The following SEPTIN9 variants were observed in gnomAD, a reference collection of about 807,000 sequenced individuals.
SEPTIN9 encodes septin 9, also known as septin-9.
SEPTIN9 carries 13 observed loss-of-function variants against 56.6 expected under a neutral mutation model. The observed-to-expected ratio is 0.23, with a 90% CI of 0.15 to 0.37. The LOEUF (loss-of-function observed/expected upper bound fraction) is 0.37, where lower values mean the gene tolerates loss of function less well. Ranked by LOEUF, SEPTIN9 falls within the 10% of genes least tolerant of loss-of-function variation. The pLI is 1.00. For missense variants in SEPTIN9, 650 were observed against 823.1 expected, an observed-to-expected ratio of 0.79 and a Z score of 2.57; for synonymous variants, 332 against 334.1, an observed-to-expected ratio of 0.99 and a Z score of 0.07.
intron 3 of SEPTIN9, among the ~76,000 whole-genome samples, chr17:77,441,553 A>G (rs1297378443): frequency 6.6e-6 from 1 of 152,262 alleles, no homozygotes; most frequent in Non-Finnish European, 1.5e-5. Flanking sequence ...TCAAGCACCC[A>G]TACAGCAGGT....
chr17:77,420,657 C>T (rs961775289), intron 3 of SEPTIN9, among the ~76,000 whole-genome samples: 19 of 152,132 alleles, frequency 1.2e-4, no homozygotes, highest in African/African-American at 4.1e-4. Flanking sequence ...TGCCCCTGCT[C>T]CTCTGTCCCC....
chr17:77,444,788 C>G, intron 3 of SEPTIN9: 1 of 250,542 alleles, frequency 4.0e-6, no homozygotes, highest in Non-Finnish European at 8.1e-6. Context: ...AATAGTGAGA[C>G]GGGCGGACAC....
At chr17:77,396,231 G>A (rs1054425029) in intron 2 of SEPTIN9, among the ~76,000 whole-genome samples, 25 of 152,136 alleles carry the variant, frequency 1.6e-4, no homozygotes, top group Non-Finnish European at 3.1e-4. Context: ...CACTGTGCAC[G>A]GTCCACAGTT....
chr17:77,488,578 G>A, intron 6 of SEPTIN9, 149 bp from the exon 7 acceptor site: 3 of 1,152,230 alleles, frequency 2.6e-6, no homozygotes, highest in South Asian at 1.4e-5. Context: ...CGAGGGTAAG[G>A]CTGTGGCATC....
intron 1 of SEPTIN9, among the ~76,000 whole-genome samples, chr17:77,284,604 T>C (rs1011319695): frequency 6.6e-6 from 1 of 152,118 alleles, no homozygotes; most frequent in Non-Finnish European, 1.5e-5. Context: ...ATTTGTTTTT[T>C]TGTGTGTGTG....
chr17:77,361,928 G>A (rs1306977562), intron 2 of SEPTIN9, among the ~76,000 whole-genome samples: 2 of 152,204 alleles, frequency 1.3e-5, no homozygotes, highest in East Asian at 1.9e-4. Flanking sequence ...CACCGCGCCC[G>A]GCCAAGTGGT....
chr17:77,373,727 G>A (rs1290391922), intron 2 of SEPTIN9: 2 of 1,282,482 alleles, frequency 1.6e-6, no homozygotes, highest in East Asian at 6.2e-5. Flanking sequence ...CCCCGTGCCC[G>A]CGCCGCCTAC....
At chr17:77,441,454 G>T (rs778765576) in intron 3 of SEPTIN9, among the ~76,000 whole-genome samples, 8 of 152,222 alleles carry the variant, frequency 5.3e-5, no homozygotes, top group Non-Finnish European at 1.2e-4. Context: ...GACACTTCGT[G>T]TGGTTTTCAA....
intron 2 of SEPTIN9, among the ~76,000 whole-genome samples, chr17:77,360,614 G>T (rs944530051): frequency 5.3e-5 from 8 of 151,914 alleles, no homozygotes; most frequent in Non-Finnish European, 1.0e-4. Flanking sequence ...GCCCAGGCTG[G>T]CGTGGAGTGA....
rs1374341355 is a variant in SEPTIN9 at position 77,435,864 on chromosome 17, C to A, written c.721+33161C>A. ...GGATCTGGAGGCCTTTGCTCCTGAG[C>A]CCTGCCTCTGTGTAATCCCTAAAGC... is the stretch of plus-strand genomic sequence containing the variant. On this transcript the variant is annotated intron_variant, in intron 3 of 11. Transcript: ENST00000427177. The surrounding 1 kb of genome is among the most constrained non-coding windows in gnomAD (Gnocchi z 4.5). Among the ~76,000 whole-genome samples, 1 of 152,222 alleles carries A rather than the reference C, an allele frequency of 6.6e-6. No homozygotes were observed. Among genetic ancestry groups the A allele is most frequent in the African/African-American group, 2.4e-5 (1 of 41,462 alleles).
At chr17:77,467,930 G>T (rs1373080140) in intron 3 of SEPTIN9, among the ~76,000 whole-genome samples, 1 of 152,230 alleles carries the variant, frequency 6.6e-6, no homozygotes, top group Non-Finnish European at 1.5e-5. Context: ...TAGTGAATGC[G>T]ACAGACCCCA....
Position 77,474,658 on chromosome 17 carries a change from C to T in SEPTIN9, c.722-7486C>T, listed in dbSNP as rs1315911659. On this transcript the variant is annotated intron_variant, in intron 3 of 11. Transcript: ENST00000427177. The stretch of plus-strand genomic sequence containing the variant: ...ACTTCTCCAGCCTTTCCATGGTTCC[C>T]GAAGACCTGGCCTGGGGAGGGGGTC... 5.3e-5 allele frequency among the ~76,000 whole-genome samples: 8 copies of T among 152,130 alleles called. No homozygotes were observed. The South Asian group carries it at 1.2e-3, about 24-fold the overall frequency.
intron 1 of SEPTIN9, among the ~76,000 whole-genome samples, chr17:77,296,488 C>A (rs1472849636): frequency 6.6e-6 from 1 of 151,976 alleles, no homozygotes; most frequent in African/African-American, 2.4e-5. Flanking sequence ...AACAGACAGG[C>A]AGACAAATGG....
chr17:77,361,162 G>C (rs552928183), intron 2 of SEPTIN9, among the ~76,000 whole-genome samples: 1 of 152,160 alleles, frequency 6.6e-6, no homozygotes, highest in Non-Finnish European at 1.5e-5. Context: ...TACCTAAGGT[G>C]ATCCACCCGC....
intron 10 of SEPTIN9, among the ~76,000 whole-genome samples, chr17:77,495,625 C>G (rs1018989774): frequency 6.6e-6 from 1 of 152,210 alleles, no homozygotes; most frequent in African/African-American, 2.4e-5. Flanking sequence ...CAGGGAGTGG[C>G]GATCACACAC....
At chr17:77,422,700 G>A (rs181962878) in intron 3 of SEPTIN9, among the ~76,000 whole-genome samples, 1 of 151,596 alleles carries the variant, frequency 6.6e-6, no homozygotes, top group African/African-American at 2.4e-5. Flanking sequence ...CCATGAAACT[G>A]GGCCCACAGA....
intron 3 of SEPTIN9, among the ~76,000 whole-genome samples, chr17:77,465,906 T>C (rs2038697616): frequency 6.6e-6 from 1 of 151,936 alleles, no homozygotes; most frequent in South Asian, 2.1e-4. Flanking sequence ...CTTTTATTTT[T>C]CTGAGAGGAT....
At chr17:77,312,926 A>G (rs1049456414) in intron 2 of SEPTIN9, among the ~76,000 whole-genome samples, 1 of 152,206 alleles carries the variant, frequency 6.6e-6, no homozygotes, top group East Asian at 1.9e-4. Flanking sequence ...TCACTGCCAC[A>G]TGTGGCTGCC....
intron 1 of SEPTIN9, among the ~76,000 whole-genome samples, chr17:77,291,252 T>G (rs1238907556): frequency 6.7e-6 from 1 of 148,720 alleles, no homozygotes; most frequent in Non-Finnish European, 1.5e-5. Flanking sequence ...GTCAGGCTGG[T>G]CTCAAACTCC....
Sources: allele counts gnomAD v4.1 joint callset (sites outside exome capture counted in the v4.1 genomes callset), GRCh38; gene constraint gnomAD v4.1.1; non-coding constraint Gnocchi (gnomAD v3.1); transcripts MANE v1.5; gene names NCBI Gene and HGNC (gene_info 2026-07-23, HGNC 2026-07-21).